The following BRINP3 variants were observed in gnomAD, a reference collection of about 807,000 sequenced individuals.
BRINP3 encodes BMP/retinoic acid-inducible neural-specific protein 3.
Under a neutral mutation model 71.0 loss-of-function variants are expected in BRINP3, and 19 were observed. The ratio of observed to expected loss-of-function variants is 0.27; its 90% CI spans 0.19 to 0.39. BRINP3 has a LOEUF of 0.39. Ranked by LOEUF, BRINP3 falls within the 10% of genes least tolerant of loss-of-function variation. The pLI, the probability that BRINP3 is intolerant of heterozygous loss-of-function variation, is 1.00. For missense variants in BRINP3, 959 were observed against 940.8 expected, an observed-to-expected ratio of 1.02 and a Z score of -0.25; for synonymous variants, 380 against 337.7, an observed-to-expected ratio of 1.13 and a Z score of -1.37.
intron 6 of BRINP3, among the ~76,000 whole-genome samples, chr1:190,181,195 A>C (rs971708635): frequency 6.6e-5 from 10 of 152,118 alleles, no homozygotes; most frequent in Admixed American, 3.3e-4. Context: ...TTTACTTATC[A>C]TAATGCCCTC....
chr1:190,177,776 C>A (rs1267725507), intron 6 of BRINP3, among the ~76,000 whole-genome samples: 1 of 152,118 alleles, frequency 6.6e-6, no homozygotes, highest in African/African-American at 2.4e-5. Flanking sequence ...CAATCTCAAA[C>A]AAATTGGAAT....
At chr1:190,431,172 G>A (rs1674074135) in intron 2 of BRINP3, among the ~76,000 whole-genome samples, 1 of 151,940 alleles carries the variant, frequency 6.6e-6, no homozygotes, top group East Asian at 1.9e-4. Context: ...AATAATTCCA[G>A]AAATGTAATG....
At chr1:190,226,408 T>C in intron 5 of BRINP3, 90 bp from the exon 6 acceptor site, 1 of 661,702 alleles carries the variant, frequency 1.5e-6, no homozygotes, top group African/African-American at 1.9e-5. Context: ...AAACAGTAAA[T>C]AATTTAGTGT....
At chr1:190,362,540 A>C (rs2102132022) in intron 2 of BRINP3, among the ~76,000 whole-genome samples, 1 of 152,242 alleles carries the variant, frequency 6.6e-6, no homozygotes. Flanking sequence ...TGATAGGCAA[A>C]ATTCTAAGAT....
At chr1:190,465,239 T>C (rs1305988559) in intron 1 of BRINP3, among the ~76,000 whole-genome samples, 1 of 151,914 alleles carries the variant, frequency 6.6e-6, no homozygotes, top group Non-Finnish European at 1.5e-5. Flanking sequence ...CATAAAGAAA[T>C]TGTCAGGCAC....
At chr1:190,133,293 T>C (rs1447001636) in intron 7 of BRINP3, among the ~76,000 whole-genome samples, 2 of 152,124 alleles carry the variant, frequency 1.3e-5, no homozygotes, top group African/African-American at 2.4e-5. Flanking sequence ...TAATGTAAAA[T>C]AGTTTATTAT....
intron 2 of BRINP3, among the ~76,000 whole-genome samples, chr1:190,442,891 T>C (rs1007487443): frequency 6.7e-6 from 1 of 149,224 alleles, no homozygotes; most frequent in Admixed American, 6.7e-5. Context: ...TCAAATATTG[T>C]GGAAGTCTCT....
intron 6 of BRINP3, among the ~76,000 whole-genome samples, chr1:190,190,808 T>C (rs1653971125): frequency 6.6e-6 from 1 of 152,142 alleles, no homozygotes; most frequent in Non-Finnish European, 1.5e-5. Context: ...TATATATTTA[T>C]AAAATTACTT....
chr1:190,220,604 A>C (rs577273255), intron 6 of BRINP3, among the ~76,000 whole-genome samples: 1 of 152,122 alleles, frequency 6.6e-6, no homozygotes, highest in Admixed American at 6.6e-5. Context: ...GTCTGGCGAC[A>C]AACTTCTCAA....
In BRINP3 at chr1:190,226,294, T is replaced by C; in HGVS notation, c.749A>G (p.Tyr250Cys). Residue 250 changes from tyrosine (Y) to cysteine (C), a missense_variant, in exon 6 of 8, where the codon TAT becomes TGT. Physicochemically the swap from Tyr to Cys is radical, Grantham distance 194 (BLOSUM62 -2). Coordinates refer to ENST00000367462, the MANE Select transcript of BRINP3 (RefSeq NM_199051.3). ...TGCTTGTACAAAACGTTCCTGAAGATAGTCTGGGAGAAGTACTTGAAGCCC... is the reference window on the plus strand; with the variant it reads ...TGCTTGTACAAAACGTTCCTGAAGACAGTCTGGGAGAAGTACTTGAAGCCC... ...LQGLQVLLPD[Y>C]LQERFVQAAL... 6.2e-7 allele frequency: 1 copy of C among 1,604,800 alleles called. No individual in the cohort carries two copies. The highest frequency in any genetic ancestry group is 8.5e-7 in the Non-Finnish European group (1 of 1,175,180).
chr1:190,238,929 A>T (rs1342571194), intron 4 of BRINP3, among the ~76,000 whole-genome samples: 1 of 152,152 alleles, frequency 6.6e-6, no homozygotes, highest in Non-Finnish European at 1.5e-5. Flanking sequence ...GTAATTTATA[A>T]AGGAAATAGG....
intron 2 of BRINP3, among the ~76,000 whole-genome samples, chr1:190,454,429 A>C (rs1675850434): frequency 6.6e-6 from 1 of 152,222 alleles, no homozygotes; most frequent in South Asian, 2.1e-4. Flanking sequence ...AGCATGCTTA[A>C]ATTTGGGAGT....
At position 190,229,347 on chromosome 1, in the gene BRINP3, G is replaced by T. The variant is rs559991244; in HGVS notation, c.725-3029C>A. The stretch of plus-strand genomic sequence containing the variant: ...CCCCTGCACAAACTCTCTCTTGTCT[G>T]CCCCCATATAAGATGTGACTTTGCT... On this transcript the variant is annotated intron_variant, in intron 5 of 7. Transcript: ENST00000367462. 1.0e-3 allele frequency among the ~76,000 whole-genome samples: 156 copies of T among 152,008 alleles called. 1 individual carries two copies. The highest frequency in any genetic ancestry group is 8.9e-3 in the Admixed American group (135 of 15,208).
intron 7 of BRINP3, among the ~76,000 whole-genome samples, chr1:190,117,655 T>G (rs1653262388): frequency 6.6e-6 from 1 of 152,012 alleles, no homozygotes; most frequent in African/African-American, 2.4e-5. Context: ...TTTTAAAAAT[T>G]AAAAGGATAT....
intron 2 of BRINP3, among the ~76,000 whole-genome samples, chr1:190,320,248 T>C (rs1024567568): frequency 7.9e-5 from 12 of 152,086 alleles, no homozygotes; most frequent in Non-Finnish European, 1.8e-4. Context: ...ATATCATCTA[T>C]GCATACAGGT....
chr1:190,384,759 C>T (rs185062809), intron 2 of BRINP3, among the ~76,000 whole-genome samples: 1 of 151,496 alleles, frequency 6.6e-6, no homozygotes, highest in Admixed American at 6.6e-5. Flanking sequence ...CATGAAGCAC[C>T]CTGAACAAAA....
intron 2 of BRINP3, among the ~76,000 whole-genome samples, chr1:190,345,812 C>A (rs1026698675): frequency 6.7e-6 from 1 of 149,922 alleles, no homozygotes; most frequent in Non-Finnish European, 1.5e-5. Context: ...ATCTATTAAA[C>A]AAAATATGTT....
At chr1:190,394,623 A>C (rs1396782720) in intron 2 of BRINP3, among the ~76,000 whole-genome samples, 1 of 151,670 alleles carries the variant, frequency 6.6e-6, no homozygotes, top group Non-Finnish European at 1.5e-5. Context: ...TATTAAAATT[A>C]AAGCATAGCA....
At chr1:190,132,293 T>C (rs1378751414) in intron 7 of BRINP3, among the ~76,000 whole-genome samples, 1 of 152,092 alleles carries the variant, frequency 6.6e-6, no homozygotes, top group Non-Finnish European at 1.5e-5. Flanking sequence ...TGTGAAACTT[T>C]TATTCCCAAA....
Sources: gnomAD v4.1 joint callset for allele counts (sites outside exome capture counted in the v4.1 genomes callset) on GRCh38, gnomAD v4.1.1 for gene constraint, MANE v1.5 for transcripts, NCBI Gene and HGNC (gene_info 2026-07-23, HGNC 2026-07-21) for gene names.